The following BATF2 variants were observed in gnomAD, a reference collection of about 807,000 sequenced individuals.
BATF2 encodes basic leucine zipper ATF-like transcription factor 2, also known as basic leucine zipper transcriptional factor ATF-like 2.
Under a neutral mutation model 7.3 loss-of-function variants are expected in BATF2, and 4 were observed. That is an observed-to-expected ratio of 0.55 (90% confidence interval 0.27 to 1.26). BATF2 has a LOEUF of 1.26. Ranked by LOEUF, BATF2 falls within the 50% of genes most tolerant of loss-of-function variation. BATF2 has a pLI of 0.11. For synonymous variants in BATF2, 152 were observed against 153.9 expected (o/e 0.99, Z 0.09); for missense variants, 295 against 340.5 (o/e 0.87, Z 1.05).
rs199912383 is a variant in BATF2 at position 64,989,782 on chromosome 11, C to T, written c.172G>A (p.Ala58Thr). 86 of 1,613,904 alleles carry T rather than the reference C, an allele frequency of 5.3e-5. No individual in the cohort carries two copies. The East Asian group carries it at 1.1e-3, about 20-fold the overall frequency. Residue 58 changes from alanine (A) to threonine (T), a missense_variant, in exon 3 of 3, where the codon GCC becomes ACC. Coordinates refer to ENST00000301887, the MANE Select transcript of BATF2 (RefSeq NM_138456.4). This position sits in a 1 kb window ranked among gnomAD's most constrained non-coding sequence, Gnocchi z 4.3. ...AGGGACTGGATCTCCTTCCGCAGGG[C>T]GAGGTTGTCTTTTTCCAGAGACTCG... The part of the protein sequence containing the change: ...QHESLEKDNL[A>T]LRKEIQSLQA...
chr11:64,991,515 G>C (rs1018140996), intron 2 of BATF2, among the ~76,000 whole-genome samples: 1 of 152,116 alleles, frequency 6.6e-6, no homozygotes, highest in African/African-American at 2.4e-5. Flanking sequence ...TTCTCCAAAG[G>C]CTTCAACTCA....
intron 2 of BATF2, among the ~76,000 whole-genome samples, chr11:64,994,008 G>C (rs1590721443): frequency 6.6e-6 from 1 of 152,048 alleles, no homozygotes; most frequent in Admixed American, 6.5e-5. Flanking sequence ...ATATTGCCCA[G>C]GCTGGTCTTG....
At position 64,989,575 on chromosome 11, in the gene BATF2, G is replaced by T; in HGVS notation, c.379C>A (p.Pro127Thr). ...GGCTGAGCTGGGTAACAGGAACCCG[G>T]GGTCTGGAACAGCTCCAGCTGCTCC... is the stretch of plus-strand genomic sequence containing the variant. ...CREQLELFQTPGSCYPAQPLS... is the reference protein window; with the variant it reads ...CREQLELFQTTGSCYPAQPLS... Residue 127 changes from proline to threonine, a missense_variant, in exon 3 of 3, where the codon CCG becomes ACG. Coordinates refer to ENST00000301887, the MANE Select transcript of BATF2 (RefSeq NM_138456.4). This position sits in a 1 kb window ranked among gnomAD's most constrained non-coding sequence, Gnocchi z 4.3. The T allele has an allele frequency of 6.3e-7, 1 of 1,593,196 alleles. No homozygotes were observed. The highest frequency in any genetic ancestry group is 2.3e-5 in the East Asian group (1 of 43,610).
Position 64,991,225 on chromosome 11 carries a change from C to T in BATF2, c.142-1413G>A, listed in dbSNP as rs189614849. On this transcript the variant is annotated intron_variant, in intron 2 of 2. Coordinates refer to ENST00000301887, the MANE Select transcript of BATF2 (RefSeq NM_138456.4). ...AGGCTGGAGTGCAATGGCATAATCT[C>T]GGCTCACTGCAACCTCTGCCTCCCA... Among the ~76,000 whole-genome samples the T allele has an allele frequency of 4.7e-3, 688 of 147,860 alleles. 5 individuals are homozygous for T. Among genetic ancestry groups the T allele is most frequent in the African/African-American group, 0.016 (658 of 40,076 alleles).
rs1004452577 is a variant in BATF2, at chr11:64,988,107, G to A, written c.*1022C>T. The A allele has an allele frequency of 4.6e-5, 7 of 152,256 alleles. No individual in the cohort carries two copies. Among genetic ancestry groups the A allele is most frequent in the African/African-American group, 1.7e-4 (7 of 41,528 alleles). 9.4% of individuals were successfully genotyped at this position (152,256 alleles called of 1,614,324 possible). On this transcript the variant is annotated 3_prime_UTR_variant, in exon 3 of 3. Coordinates refer to ENST00000301887, the MANE Select transcript of BATF2 (RefSeq NM_138456.4). ...CCACCCGCCTCAGAGTGCTTGTCCTGGAATCAGAGTGTAAAACCCCCTCTT... is the reference window on the plus strand; with the variant it reads ...CCACCCGCCTCAGAGTGCTTGTCCTAGAATCAGAGTGTAAAACCCCCTCTT...
intron 1 of BATF2, among the ~76,000 whole-genome samples, chr11:64,994,956 C>A (rs1455737824): frequency 2.0e-5 from 3 of 152,150 alleles, no homozygotes; most frequent in African/African-American, 7.2e-5. Flanking sequence ...TCAAGCAATT[C>A]TCCTGCCTCG....
At chr11:64,993,511 T>G (rs988569569) in intron 2 of BATF2, among the ~76,000 whole-genome samples, 1 of 152,212 alleles carries the variant, frequency 6.6e-6, no homozygotes, top group African/African-American at 2.4e-5. Flanking sequence ...CTGAATTGGC[T>G]GGCACCTTGA....
chr11:64,995,185 G>A (rs955542011), intron 1 of BATF2, among the ~76,000 whole-genome samples: 7 of 152,044 alleles, frequency 4.6e-5, no homozygotes, highest in Non-Finnish European at 7.4e-5. Flanking sequence ...GAACCCAATC[G>A]CCCCATCCCT....
At chr11:64,990,569 G>T in intron 2 of BATF2, 1 of 1,061,242 alleles carries the variant, frequency 9.4e-7, no homozygotes, top group Non-Finnish European at 1.1e-6. Flanking sequence ...CTGTTCTGCT[G>T]AACGCCGGTT....
At position 64,989,862 on chromosome 11, in the gene BATF2, G is replaced by A; in HGVS notation, c.142-50C>T. Reference sequence around the variant, plus strand: ...AGGGGAACCTCAGCCAGTGTCAGGGGCCCCGCATGAGCCTTAGCCCCTTCC... The same window carrying A: ...AGGGGAACCTCAGCCAGTGTCAGGGACCCCGCATGAGCCTTAGCCCCTTCC... On this transcript the variant is annotated intron_variant, in intron 2 of 2. Coordinates refer to ENST00000301887, the MANE Select transcript of BATF2 (RefSeq NM_138456.4). The surrounding 1 kb of genome is among the most constrained non-coding windows in gnomAD (Gnocchi z 4.3). 1 of 1,598,016 alleles carries A rather than the reference G, an allele frequency of 6.3e-7. No individual in the cohort carries two copies. The highest frequency in any genetic ancestry group is 1.3e-5 in the African/African-American group (1 of 74,750).
intron 2 of BATF2, among the ~76,000 whole-genome samples, chr11:64,991,675 A>G (rs1946078681): frequency 6.6e-6 from 1 of 151,274 alleles, no homozygotes. Flanking sequence ...CATCCTGACC[A>G]CTCTAGGGAC....
intron 1 of BATF2, among the ~76,000 whole-genome samples, chr11:64,995,689 G>A (rs529582852): frequency 2.0e-5 from 3 of 152,120 alleles, no homozygotes; most frequent in East Asian, 1.9e-4. Context: ...CCCAGCCCCC[G>A]CCCCCAAGTC....
rs748611996 is a variant in BATF2, at chr11:64,989,730, C to T, written c.224G>A (p.Arg75Gln). 1.4e-5 allele frequency: 22 copies of T among 1,613,860 alleles called. No individual in the cohort carries two copies. In the East Asian group the frequency reaches 2.2e-4, roughly 16 times the overall value. The change falls in exon 3 of 3, where the codon CGG becomes CAG. Residue 75 changes from arginine to glutamine, a missense_variant. By Grantham distance (43) the Arg-to-Gln change is conservative. Transcript: ENST00000301887. The surrounding 1 kb of genome is among the most constrained non-coding windows in gnomAD (Gnocchi z 4.3). Reference protein sequence around the residue: ...SLQAELAWWSRTLHVHERLCP... With the variant: ...SLQAELAWWSQTLHVHERLCP... ...CAGGCGCTCATGCACGTGCAGGGTC[C>T]GGCTCCACCACGCCAGCTCGGCCTG...
rs1946041395 is a variant in BATF2 at position 64,988,444 on chromosome 11, A to G, written c.*685T>C. On this transcript the variant is annotated 3_prime_UTR_variant, in exon 3 of 3. Transcript: ENST00000301887. ...CAGCCTGGAAAGCTGACCCTGCAGA[A>G]TCTCCCAGAAGCCTTGGTGTGGCTA... The G allele has an allele frequency of 6.6e-6, 1 of 152,244 alleles. No homozygotes were observed. Among genetic ancestry groups the G allele is most frequent in the African/African-American group, 2.4e-5 (1 of 41,418 alleles). 9.4% of individuals were successfully genotyped at this position (152,244 alleles called of 1,614,324 possible). A position where few individuals can be genotyped will look rare whatever the true frequency, so the allele number is the denominator to read the frequency against.
rs56759307 is a variant in BATF2 at position 64,989,118 on chromosome 11, C to A, written c.*11G>T. ...CCCAAAGAAGGGGCCAACCCAGCTC[C>A]GAAGACCAGGTTAGAAGTGGACTTG... is the stretch of plus-strand genomic sequence containing the variant. On this transcript the variant is annotated 3_prime_UTR_variant, in exon 3 of 3. Coordinates refer to ENST00000301887, the MANE Select transcript of BATF2 (RefSeq NM_138456.4). The surrounding 1 kb of genome is among the most constrained non-coding windows in gnomAD (Gnocchi z 4.3). 1.4e-5 allele frequency: 23 copies of A among 1,613,826 alleles called. No individual in the cohort carries two copies. The African/African-American group carries it at 2.9e-4, about 21-fold the overall frequency.
At chr11:64,990,478 G>A (rs1946067394) in intron 2 of BATF2, 3 of 1,234,290 alleles carry the variant, frequency 2.4e-6, no homozygotes, top group Non-Finnish European at 3.1e-6. Context: ...GAGCACTGTG[G>A]GAGGATTCAG....
chr11:64,989,195 A>T lies in BATF2; in HGVS notation c.759T>A (p.Val253=). 1 of 1,614,106 alleles carries T rather than the reference A, an allele frequency of 6.2e-7. No homozygotes were observed. Among genetic ancestry groups the T allele is most frequent in the Non-Finnish European group, 8.5e-7 (1 of 1,180,008 alleles). ...ALSAATWQGL[V]VDPSPHPLLA... Reference sequence around the variant, plus strand: ...GGAGAGGGTGAGGGCTGGGATCCACAACCAGCCCTTGCCAAGTGGCTGCTG... The same window carrying T: ...GGAGAGGGTGAGGGCTGGGATCCACTACCAGCCCTTGCCAAGTGGCTGCTG... The change falls in exon 3 of 3, where the codon GTT becomes GTA. Residue 253 remains valine (V), a synonymous_variant. Transcript: ENST00000301887. The surrounding 1 kb of genome is among the most constrained non-coding windows in gnomAD (Gnocchi z 4.3).
Position 64,989,117 on chromosome 11 carries a change from C to G in BATF2, c.*12G>C. ...GCCCAAAGAAGGGGCCAACCCAGCT[C>G]CGAAGACCAGGTTAGAAGTGGACTT... On this transcript the variant is annotated 3_prime_UTR_variant, in exon 3 of 3. Coordinates refer to ENST00000301887, the MANE Select transcript of BATF2 (RefSeq NM_138456.4). This position sits in a 1 kb window ranked among gnomAD's most constrained non-coding sequence, Gnocchi z 4.3. The G allele has an allele frequency of 6.2e-7, 1 of 1,614,004 alleles. No individual in the cohort carries two copies. Among genetic ancestry groups the G allele is most frequent in the Non-Finnish European group, 8.5e-7 (1 of 1,179,976 alleles).
rs1946045976 is a variant in BATF2, at chr11:64,988,934, T to C, written c.*195A>G. ...TCGATTTCTCAGGTCAACTGTGAGG[T>C]TGAAATAAGATATTGGTGGTGACAG... On this transcript the variant is annotated 3_prime_UTR_variant, in exon 3 of 3. Coordinates refer to ENST00000301887, the MANE Select transcript of BATF2 (RefSeq NM_138456.4). The C allele has an allele frequency of 1.7e-6, 1 of 598,180 alleles. No homozygotes were observed. The allele number at this position is 598,180 out of a possible 1,614,324, so 37.1% of individuals were successfully genotyped here.
Sources: allele counts gnomAD v4.1 joint callset (sites outside exome capture counted in the v4.1 genomes callset), GRCh38; gene constraint gnomAD v4.1.1; non-coding constraint Gnocchi (gnomAD v3.1); transcripts MANE v1.5; gene names NCBI Gene and HGNC (gene_info 2026-07-23, HGNC 2026-07-21).